The following RANBP3L variants were observed in gnomAD, a reference collection of about 807,000 sequenced individuals.
RANBP3L encodes ran-binding protein 3-like.
In RANBP3L, 56 loss-of-function variants were observed where a neutral mutation model predicts 67.2. The observed-to-expected ratio is 0.83, with a 90% CI of 0.67 to 1.04. The LOEUF (loss-of-function observed/expected upper bound fraction) is 1.04, where lower values mean the gene tolerates loss of function less well. Ranked by LOEUF, RANBP3L falls within the 50% of genes least tolerant of loss-of-function variation. The pLI, the probability that RANBP3L is intolerant of heterozygous loss-of-function variation, is 0.00. For synonymous variants in RANBP3L, 164 were observed against 181.4 expected, an observed-to-expected ratio of 0.90 and a Z score of 0.77; for missense variants, 496 against 535.5, an observed-to-expected ratio of 0.93 and a Z score of 0.73.
chr5:36,254,434 T>C (rs1748821814), intron 11 of RANBP3L, among the ~76,000 whole-genome samples: 1 of 152,088 alleles, frequency 6.6e-6, no homozygotes, highest in Admixed American at 6.6e-5. Flanking sequence ...TTACAATGAA[T>C]GTGTATTACC....
At chr5:36,267,474 C>T (rs1749887953) in intron 4 of RANBP3L, among the ~76,000 whole-genome samples, 1 of 151,450 alleles carries the variant, frequency 6.6e-6, no homozygotes, top group Non-Finnish European at 1.5e-5. Context: ...CGCCATTGCA[C>T]TCTAGCCTGG....
chr5:36,299,335 A>ATGTGTGTGTGTGTG (rs368964724), intron 1 of RANBP3L, among the ~76,000 whole-genome samples: 150 of 145,354 alleles, frequency 1.0e-3, no homozygotes, highest in African/African-American at 3.7e-3. Flanking sequence ...ACATACATAT[A>ATGTGTGTGTGTGTG]TGTGTGTGTG....
intron 4 of RANBP3L, among the ~76,000 whole-genome samples, chr5:36,267,195 C>T (rs1749860338): frequency 6.6e-6 from 1 of 152,146 alleles, no homozygotes; most frequent in African/African-American, 2.4e-5. Flanking sequence ...AATAAGAATA[C>T]AGATTTATTC....
chr5:36,300,761 G>A (rs1752555927), intron 1 of RANBP3L, among the ~76,000 whole-genome samples: 1 of 152,150 alleles, frequency 6.6e-6, no homozygotes, highest in African/African-American at 2.4e-5. Flanking sequence ...AAGACTGATG[G>A]TGAAAATGGC....
intron 6 of RANBP3L, 124 bp from the exon 7 acceptor site, chr5:36,262,166 G>T: frequency 3.5e-6 from 2 of 573,238 alleles, no homozygotes; most frequent in Non-Finnish European, 6.2e-6. Context: ...ACTGCCTTAA[G>T]CATTTTATGT....
At chr5:36,258,334 C>T (rs1437876928) in intron 8 of RANBP3L, among the ~76,000 whole-genome samples, 2 of 152,110 alleles carry the variant, frequency 1.3e-5, no homozygotes, top group East Asian at 3.8e-4. Flanking sequence ...TACATTTTTT[C>T]CCTTATGAAC....
At chr5:36,290,527 T>A (rs1255548429) in intron 1 of RANBP3L, among the ~76,000 whole-genome samples, 2 of 151,930 alleles carry the variant, frequency 1.3e-5, no homozygotes, top group Non-Finnish European at 1.5e-5. Flanking sequence ...ATATCTCTTT[T>A]TATTGATTAA....
intron 10 of RANBP3L, among the ~76,000 whole-genome samples, chr5:36,256,228 A>C (rs1321033238): frequency 6.6e-6 from 1 of 152,030 alleles, no homozygotes; most frequent in Non-Finnish European, 1.5e-5. Flanking sequence ...CACCCCTAAC[A>C]ATTACTTCAA....
chr5:36,280,648 A>G (rs1206467592), intron 1 of RANBP3L, among the ~76,000 whole-genome samples: 2 of 152,190 alleles, frequency 1.3e-5, no homozygotes, highest in Non-Finnish European at 2.9e-5. Flanking sequence ...TTGATCCCCA[A>G]AGATATGATC....
chr5:36,282,588 C>G (rs1309798644), intron 1 of RANBP3L, among the ~76,000 whole-genome samples: 2 of 152,182 alleles, frequency 1.3e-5, no homozygotes, highest in Non-Finnish European at 1.5e-5. Flanking sequence ...AAACTCATTT[C>G]TTTAAACTAA....
intron 4 of RANBP3L, among the ~76,000 whole-genome samples, chr5:36,266,464 G>A (rs1454079615): frequency 6.6e-6 from 1 of 152,148 alleles, no homozygotes; most frequent in Non-Finnish European, 1.5e-5. Flanking sequence ...TGTTATAAAT[G>A]TTGGGGTAGA....
At chr5:36,300,085 G>A (rs764230704) in intron 1 of RANBP3L, among the ~76,000 whole-genome samples, 3 of 152,120 alleles carry the variant, frequency 2.0e-5, no homozygotes, top group Non-Finnish European at 2.9e-5. Flanking sequence ...GAAGTGGGGG[G>A]AAGTCACTTT....
chr5:36,255,691 A>G, intron 10 of RANBP3L, 101 bp from the exon 11 acceptor site: 2 of 657,232 alleles, frequency 3.0e-6, no homozygotes, highest in East Asian at 6.4e-5. Flanking sequence ...GTCTTTTACC[A>G]AAATAATCTT....
At position 36,299,369 on chromosome 5, in the gene RANBP3L, A is replaced by G. The variant is rs951853721; in HGVS notation, c.91+1957T>C. Among the ~76,000 whole-genome samples the G allele has an allele frequency of 7.7e-3, 1,130 of 146,478 alleles. 14 individuals are homozygous for G. The highest frequency in any genetic ancestry group is 0.029 in the African/African-American group (1,057 of 36,688). ...TGTGTGTGTGTGTGTGTGTGTGTATATATCCTATTAGTTCTGTCCCTCTAG... is the reference window on the plus strand; with the variant it reads ...TGTGTGTGTGTGTGTGTGTGTGTATGTATCCTATTAGTTCTGTCCCTCTAG... On this transcript the variant is annotated intron_variant, in intron 1 of 13. Transcript: ENST00000296604.
intron 1 of RANBP3L, among the ~76,000 whole-genome samples, chr5:36,298,779 T>G (rs979145182): frequency 3.3e-5 from 5 of 152,218 alleles, no homozygotes; most frequent in African/African-American, 1.2e-4. Flanking sequence ...TGGAAGAATA[T>G]GCTTGCTTTC....
Position 36,249,596 on chromosome 5 carries a change from G to T in RANBP3L, c.*58C>A. On this transcript the variant is annotated 3_prime_UTR_variant, in exon 14 of 14. Coordinates refer to ENST00000296604, the MANE Select transcript of RANBP3L (RefSeq NM_145000.5). ...TCTTCTCATTAGTTAGGGTGGTTTA[G>T]TATTTTCAGTAGGGTGACCCCTCTT... 3 of 847,138 alleles carry T rather than the reference G, an allele frequency of 3.5e-6. No individual in the cohort carries two copies. Among genetic ancestry groups the T allele is most frequent in the Middle Eastern group, 2.3e-4 (1 of 4,296 alleles). 52.5% of individuals were successfully genotyped at this position (847,138 alleles called of 1,614,324 possible).
chr5:36,280,373 T>C (rs1230983462), intron 1 of RANBP3L, among the ~76,000 whole-genome samples: 2 of 152,172 alleles, frequency 1.3e-5, no homozygotes, highest in East Asian at 1.9e-4. Flanking sequence ...CCACATGTGA[T>C]AGTGGGCCAT....
Position 36,263,823 on chromosome 5 carries a change from G to A in RANBP3L, c.480+1136C>T, listed in dbSNP as rs980996343. On this transcript the variant is annotated intron_variant, in intron 6 of 13. Transcript: ENST00000296604. The stretch of plus-strand genomic sequence containing the variant: ...ATTAAAAGAGTGAGCCACCACGCCT[G>A]GCCACTTCACTTCTTAAATAAAAGT... Among the ~76,000 whole-genome samples the A allele has an allele frequency of 6.6e-5, 10 of 152,164 alleles. 1 individual carries two copies. The highest frequency in any genetic ancestry group is 3.9e-4 in the Admixed American group (6 of 15,286).
intron 4 of RANBP3L, among the ~76,000 whole-genome samples, chr5:36,266,494 G>C (rs893689985): frequency 6.6e-6 from 1 of 152,088 alleles, no homozygotes; most frequent in Non-Finnish European, 1.5e-5. Flanking sequence ...CTACTTCAGA[G>C]TTCAATTTAA....
Sources: gnomAD v4.1 joint callset for allele counts (sites outside exome capture counted in the v4.1 genomes callset) on GRCh38, gnomAD v4.1.1 for gene constraint, MANE v1.5 for transcripts, NCBI Gene and HGNC (gene_info 2026-07-23, HGNC 2026-07-21) for gene names.